Variants in CDKL5 observed in about 807,000 individuals in gnomAD.
The protein encoded by CDKL5 is cyclin-dependent kinase-like 5.
In CDKL5, 8 loss-of-function variants were observed where a neutral mutation model predicts 61.7. The observed-to-expected ratio is 0.13, with a 90% CI of 0.08 to 0.23. The LOEUF is 0.23. CDKL5 is among the 10% of genes least tolerant of loss of function. The pLI is 1.00. For synonymous variants in CDKL5, 275 were observed against 272.3 expected (o/e 1.01, Z -0.10); for missense variants, 440 against 734.5 (o/e 0.60, Z 4.63).
intron 16 of CDKL5, among the ~76,000 whole-genome samples, chrX:18,623,704 A>T (rs779423059): frequency 1.8e-5 from 2 of 111,453 alleles, no homozygotes; most frequent in Non-Finnish European, 3.8e-5. Context: ...AATTTGCATT[A>T]TTGACATCTT....
intron 20 of CDKL5, among the ~76,000 whole-genome samples, chrX:18,649,171 G>T (rs748013030): frequency 1.7e-3 from 193 of 111,051 alleles, no homozygotes; most frequent in Non-Finnish European, 2.9e-3. Flanking sequence ...GTATTTAGGG[G>T]GTCTTGTGCT....
downstream of CDKL5, among the ~76,000 whole-genome samples, chrX:18,643,178 G>A (rs1927646704): frequency 1.8e-5 from 2 of 111,551 alleles, no homozygotes. Flanking sequence ...GGTGTTTGAC[G>A]CCATTTCCAA....
chrX:18,605,266 C>T (rs932776479), intron 12 of CDKL5, among the ~76,000 whole-genome samples: 1 of 111,649 alleles, frequency 9.0e-6, no homozygotes, highest in African/African-American at 3.3e-5. Flanking sequence ...ACCACATTTG[C>T]TTAAATCAAA....
chrX:18,631,143 C>T lies in CDKL5; in HGVS notation c.*2386C>T, dbSNP rs186602160. On this transcript the variant is annotated 3_prime_UTR_variant, in exon 18 of 18. Coordinates refer to ENST00000623535, the MANE Select transcript of CDKL5 (RefSeq NM_001323289.2). ...ACTGGGATCTCAGATGTTTGCAGAACATTTCTATTCATGACGGTTCTTCAA... is the reference window on the plus strand; with the variant it reads ...ACTGGGATCTCAGATGTTTGCAGAATATTTCTATTCATGACGGTTCTTCAA... 1.9e-4 allele frequency: 142 copies of T among 750,687 alleles called. No homozygotes were observed. In the African/African-American group the frequency reaches 3.3e-3, roughly 17 times the overall value. The allele number at this position is 750,687 out of a possible 1,213,427, so 61.9% of individuals were successfully genotyped here.
chrX:18,607,849 TAGAA>T (rs1490250846), intron 12 of CDKL5, among the ~76,000 whole-genome samples: 3 of 111,849 alleles, frequency 2.7e-5, no homozygotes, highest in Non-Finnish European at 5.6e-5. Flanking sequence ...TTTCATAAAA[TAGAA>T]AGAAGGAAGG....
At chrX:18,507,220 C>A in intron 2 of CDKL5, 60 bp downstream of exon 2, 1 of 767,609 alleles carries the variant, frequency 1.3e-6, no homozygotes. Context: ...TTATTCCTAC[C>A]ACCAAAAAGT....
At chrX:18,468,969 C>T (rs929021479) in intron 1 of CDKL5, among the ~76,000 whole-genome samples, 1 of 111,175 alleles carries the variant, frequency 9.0e-6, no homozygotes, top group Non-Finnish European at 1.9e-5. Flanking sequence ...AAAAGCTGTA[C>T]GAAAATGTAT....
Position 18,633,924 on chromosome X carries a change from C to G in CDKL5, c.*5167C>G, listed in dbSNP as rs1241880598. The G allele has an allele frequency of 1.3e-6, 1 of 751,963 alleles. No homozygotes were observed. The highest frequency in any genetic ancestry group is 2.3e-5 in the African/African-American group (1 of 42,993). 62.0% of individuals were successfully genotyped at this position (751,963 alleles called of 1,213,427 possible). On this transcript the variant is annotated 3_prime_UTR_variant, in exon 18 of 18. Coordinates refer to ENST00000623535, the MANE Select transcript of CDKL5 (RefSeq NM_001323289.2). ...CCCGCCTTGCATTTTCATTCATCAC[C>G]TGTTTATGCCCAAATTTAAAGGAAG... is the stretch of plus-strand genomic sequence containing the variant.
intron 12 of CDKL5, among the ~76,000 whole-genome samples, chrX:18,606,193 C>A (rs1289977191): frequency 9.0e-6 from 1 of 110,897 alleles, no homozygotes; most frequent in East Asian, 2.8e-4. Context: ...CACACACACA[C>A]ACACACACAC....
chrX:18,577,578 A>G (rs977522287), intron 5 of CDKL5, among the ~76,000 whole-genome samples: 2 of 112,382 alleles, frequency 1.8e-5, no homozygotes, highest in Non-Finnish European at 3.8e-5. Flanking sequence ...CTGCTCCACC[A>G]CAGCGAGGTG....
chrX:18,648,442 A>G (rs1260278623), intron 20 of CDKL5, among the ~76,000 whole-genome samples: 2 of 109,822 alleles, frequency 1.8e-5, no homozygotes, highest in Admixed American at 9.6e-5. Context: ...GGATTTTGCC[A>G]TGTTCCCCAG....
At chrX:18,653,588 T>C (rs762222076) in exon 22 of CDKL5, 2 of 1,185,699 alleles carry the variant, frequency 1.7e-6, no homozygotes, top group Non-Finnish European at 2.3e-6. Flanking sequence ...GAATCACCTC[T>C]CTCATGGAAG....
At chrX:18,537,834 A>G (rs1243221910) in intron 3 of CDKL5, among the ~76,000 whole-genome samples, 1 of 112,454 alleles carries the variant, frequency 8.9e-6, no homozygotes, top group Non-Finnish European at 1.9e-5. Flanking sequence ...GTGTGAACCA[A>G]TAGTTTGCTC....
In CDKL5 at chrX:18,634,227, C is replaced by G; in HGVS notation, c.*5470C>G. On this transcript the variant is annotated 3_prime_UTR_variant, in exon 18 of 18. Coordinates refer to ENST00000623535, the MANE Select transcript of CDKL5 (RefSeq NM_001323289.2). ...AAGAGGCCTTATCTGTTCCTCCATC[C>G]CCCCTGTTTTGACAGACTGCTAAGA... 1.3e-6 allele frequency: 1 copy of G among 753,104 alleles called. No individual in the cohort carries two copies. The highest frequency in any genetic ancestry group is 6.8e-5 in the South Asian group (1 of 14,803). 62.1% of individuals were successfully genotyped at this position (753,104 alleles called of 1,213,427 possible).
At position 18,620,359 on chromosome X, in the gene CDKL5, AC is replaced by A. The variant is rs772540188; in HGVS notation, c.2376+395del. 8.0e-5 allele frequency among the ~76,000 whole-genome samples: 9 copies of A among 112,685 alleles called. No individual in the cohort carries two copies. In the South Asian group the frequency reaches 3.3e-3, roughly 41 times the overall value. On this transcript the variant is annotated intron_variant, in intron 16 of 17. Transcript: ENST00000623535. ...TTTTAAATGTTGAAATTTGTAAATAACCATCATTCCTTATTCTCTCCTGGCT... is the reference window on the plus strand; with the variant it reads ...TTTTAAATGTTGAAATTTGTAAATAACATCATTCCTTATTCTCTCCTGGCT...
intron 1 of CDKL5, among the ~76,000 whole-genome samples, chrX:18,463,701 T>C: frequency 8.9e-6 from 1 of 112,122 alleles, no homozygotes; most frequent in Non-Finnish European, 1.9e-5. Flanking sequence ...GGCAAAACAG[T>C]TTAAGATGCT....
At chrX:18,468,682 A>G (rs1254980087) in intron 1 of CDKL5, among the ~76,000 whole-genome samples, 2 of 112,363 alleles carry the variant, frequency 1.8e-5, no homozygotes, top group African/African-American at 3.2e-5. Flanking sequence ...TTTGTAAAAC[A>G]AGAGTTCTTT....
At chrX:18,483,080 A>G (rs746495008) in intron 1 of CDKL5, among the ~76,000 whole-genome samples, 1 of 112,008 alleles carries the variant, frequency 8.9e-6, no homozygotes, top group East Asian at 2.8e-4. Context: ...TTGAGATGAT[A>G]TAATAAATCC....
At position 18,603,989 on chromosome X, in the gene CDKL5, G is replaced by C; in HGVS notation, c.1065G>C (p.Arg355=). 8.3e-7 allele frequency: 1 copy of C among 1,210,711 alleles called. No homozygotes were observed. Among genetic ancestry groups the C allele is most frequent in the African/African-American group, 1.7e-5 (1 of 57,488 alleles). Residue 355 remains arginine (R), a synonymous_variant, in exon 12 of 18, where the codon CGG becomes CGC. Transcript: ENST00000623535. ...AGAACCTGAGTGTAGGCCTGCCCCGGGCTGACGAAGGTCTCCCTGCCAATG... is the reference window on the plus strand; with the variant it reads ...AGAACCTGAGTGTAGGCCTGCCCCGCGCTGACGAAGGTCTCCCTGCCAATG... ...DIQNLSVGLP[R]ADEGLPANES...
Sources: allele counts gnomAD v4.1 joint callset (sites outside exome capture counted in the v4.1 genomes callset), GRCh38; gene constraint gnomAD v4.1.1; transcripts MANE v1.5; gene names NCBI Gene and HGNC (gene_info 2026-07-23, HGNC 2026-07-21).